ARMC8: variants seen among roughly 807,000 people sequenced by gnomAD.
ARMC8 encodes armadillo repeat-containing protein 8.
Under a neutral mutation model 99.3 loss-of-function variants are expected in ARMC8, and 20 were observed. That is an observed-to-expected ratio of 0.20 (90% confidence interval 0.14 to 0.29). ARMC8 has a LOEUF of 0.29. Among genes scored for constraint, ARMC8 ranks in the 10% least tolerant of loss-of-function variants. The pLI, the probability that ARMC8 is intolerant of heterozygous loss-of-function variation, is 1.00. For synonymous variants in ARMC8, 263 were observed against 278.3 expected, an observed-to-expected ratio of 0.95 and a Z score of 0.55; for missense variants, 569 against 809.5, an observed-to-expected ratio of 0.70 and a Z score of 3.60.
Position 138,296,239 on chromosome 3 carries a change from C to T in ARMC8, c.*347C>T, listed in dbSNP as rs982995819. ...ATGTCTGTGTGAACACACAGGCATG[C>T]GTGTGTATGTGCACGTACATGGGCC... On this transcript the variant is annotated 3_prime_UTR_variant, in exon 22 of 22. Coordinates refer to ENST00000469044, the MANE Select transcript of ARMC8 (RefSeq NM_001363941.2). The T allele has an allele frequency of 1.4e-5, 3 of 209,696 alleles. No homozygotes were observed. The highest frequency in any genetic ancestry group is 9.8e-5 in the South Asian group (1 of 10,242). The allele number at this position is 209,696 out of a possible 1,614,324, so 13.0% of individuals were successfully genotyped here.
At chr3:138,197,745 G>A (rs1330503388) in intron 1 of ARMC8, among the ~76,000 whole-genome samples, 1 of 152,126 alleles carries the variant, frequency 6.6e-6, no homozygotes, top group East Asian at 1.9e-4. Context: ...CACACAGTGG[G>A]TTCTTATCTC....
chr3:138,274,142 A>G (rs562636696), intron 17 of ARMC8, among the ~76,000 whole-genome samples: 4 of 151,914 alleles, frequency 2.6e-5, no homozygotes, highest in South Asian at 2.1e-4. Flanking sequence ...TCTTTAATAT[A>G]TTTGGGTTTG....
chr3:138,209,028 C>T (rs1026972978), intron 1 of ARMC8, among the ~76,000 whole-genome samples: 1 of 152,204 alleles, frequency 6.6e-6, no homozygotes, highest in East Asian at 1.9e-4. Context: ...ACTTCTGCCT[C>T]CAGCAATGAA....
At chr3:138,234,118 T>G (rs539922631) in intron 6 of ARMC8, among the ~76,000 whole-genome samples, 14 of 152,084 alleles carry the variant, frequency 9.2e-5, no homozygotes, top group South Asian at 4.1e-4. Context: ...TTTTGTTTTT[T>G]TTTTTGAGAC....
chr3:138,280,817 G>A (rs1235523294), intron 18 of ARMC8, among the ~76,000 whole-genome samples: 1 of 151,504 alleles, frequency 6.6e-6, no homozygotes, highest in Admixed American at 6.6e-5. Flanking sequence ...TAATAGAGAT[G>A]GGGTTTTGCC....
At chr3:138,282,286 T>C (rs2050004837) in intron 18 of ARMC8, among the ~76,000 whole-genome samples, 1 of 152,124 alleles carries the variant, frequency 6.6e-6, no homozygotes, top group African/African-American at 2.4e-5. Context: ...AGGAATGTGG[T>C]ATTGTGAGTC....
At chr3:138,222,307 T>C (rs1200520872) in intron 3 of ARMC8, among the ~76,000 whole-genome samples, 1 of 152,232 alleles carries the variant, frequency 6.6e-6, no homozygotes, top group South Asian at 2.1e-4. Flanking sequence ...TCCATTTCCT[T>C]AGAGCCTTGG....
At chr3:138,229,134 G>GTATATATATATATA (rs71146119) in intron 6 of ARMC8, 124 bp downstream of exon 6, 11 of 78,606 alleles carry the variant, frequency 1.4e-4, no homozygotes, top group African/African-American at 2.8e-4. Flanking sequence ...GTGTGTGCGT[G>GTATATATATATATA]TATATATATA....
intron 12 of ARMC8, chr3:138,246,069 C>G: frequency 1.0e-6 from 1 of 985,332 alleles, no homozygotes; most frequent in Non-Finnish European, 1.2e-6. Flanking sequence ...AGAGAAATCA[C>G]AAAGTATTAG....
intron 15 of ARMC8, among the ~76,000 whole-genome samples, chr3:138,269,424 G>A (rs2048571052): frequency 1.3e-5 from 2 of 152,044 alleles, no homozygotes; most frequent in African/African-American, 4.8e-5. Context: ...ACTAAAGCAT[G>A]GTATTTTAGA....
intron 1 of ARMC8, chr3:138,188,622 A>G: frequency 6.6e-7 from 1 of 1,504,156 alleles, no homozygotes; most frequent in South Asian, 1.1e-5. Context: ...CCAGTCTGAT[A>G]CTGAGAGGGT....
chr3:138,246,705 A>G (rs2046896885), intron 12 of ARMC8: 1 of 982,938 alleles, frequency 1.0e-6, no homozygotes, highest in Non-Finnish European at 1.2e-6. Context: ...TTGTTAATAA[A>G]CTGTTTTGGA....
chr3:138,264,256 C>G (rs1470095940), intron 14 of ARMC8, 44 bp downstream of exon 14: 2 of 1,490,844 alleles, frequency 1.3e-6, no homozygotes, highest in African/African-American at 1.4e-5. Context: ...CTCACAGACC[C>G]TAGAGTGAGC....
At chr3:138,277,227 A>T in intron 18 of ARMC8, among the ~76,000 whole-genome samples, 1 of 152,214 alleles carries the variant, frequency 6.6e-6, no homozygotes, top group East Asian at 1.9e-4. Flanking sequence ...AAAAAAAATT[A>T]ACTTTGAACT....
chr3:138,191,120 G>A (rs187013142), intron 1 of ARMC8, among the ~76,000 whole-genome samples: 1 of 152,308 alleles, frequency 6.6e-6, no homozygotes, highest in Non-Finnish European at 1.5e-5. Context: ...CTATCTTGTC[G>A]TATTAGAGAG....
intron 18 of ARMC8, among the ~76,000 whole-genome samples, chr3:138,283,225 C>T (rs763578151): frequency 1.1e-4 from 17 of 152,192 alleles, no homozygotes; most frequent in South Asian, 8.3e-4. Context: ...AAACCACACA[C>T]GCTTTAGGAT....
At chr3:138,224,270 C>G (rs2045567915) in intron 5 of ARMC8, among the ~76,000 whole-genome samples, 1 of 151,930 alleles carries the variant, frequency 6.6e-6, no homozygotes, top group African/African-American at 2.4e-5. Context: ...AAGACTCCAT[C>G]TCTACAAGAA....
rs761083624 is a variant in ARMC8 at position 138,297,349 on chromosome 3, T to A, written c.*1457T>A. 2.0e-5 allele frequency: 3 copies of A among 152,172 alleles called. No homozygotes were observed. The highest frequency in any genetic ancestry group is 4.4e-5 in the Non-Finnish European group (3 of 68,038). 9.4% of individuals were successfully genotyped at this position (152,172 alleles called of 1,614,324 possible). ...CTCAACAGAAGTTGCTCTTGACTGT[T>A]TGAAGGTAGAAGCAGCCTACCTTTT... On this transcript the variant is annotated 3_prime_UTR_variant, in exon 22 of 22. Coordinates refer to ENST00000469044, the MANE Select transcript of ARMC8 (RefSeq NM_001363941.2).
At chr3:138,207,658 C>T (rs1376396645) in intron 1 of ARMC8, among the ~76,000 whole-genome samples, 2 of 152,070 alleles carry the variant, frequency 1.3e-5, no homozygotes, top group African/African-American at 4.8e-5. Flanking sequence ...TATAGTAGTG[C>T]TTTTTTTCAG....
Sources: gnomAD v4.1 joint callset for allele counts (sites outside exome capture counted in the v4.1 genomes callset) on GRCh38, gnomAD v4.1.1 for gene constraint, MANE v1.5 for transcripts, NCBI Gene and HGNC (gene_info 2026-07-23, HGNC 2026-07-21) for gene names.